CSMD1: variants seen among roughly 807,000 people sequenced by gnomAD.
CSMD1 encodes the protein CUB and Sushi multiple domains 1.
In CSMD1, 213 loss-of-function variants were observed where a neutral mutation model predicts 417.5. That is an observed-to-expected ratio of 0.51 (90% CI 0.46 to 0.57). The LOEUF (loss-of-function observed/expected upper bound fraction) is 0.57. CSMD1 is among the 20% of genes least tolerant of loss of function. The pLI is 0.00. For missense variants in CSMD1, 6,923 were observed against 4,529.7 expected, an observed-to-expected ratio of 1.53 and a Z score of -15.17; for synonymous variants, 2,862 against 1,736.8, an observed-to-expected ratio of 1.65 and a Z score of -16.11.
At chr8:3,985,028 C>T (rs570659414) in intron 5 of CSMD1, among the ~76,000 whole-genome samples, 6 of 152,096 alleles carry the variant, frequency 3.9e-5, no homozygotes, top group African/African-American at 1.4e-4. Context: ...GTGGCTCTGA[C>T]CACATTTTGA....
At chr8:3,938,111 C>A (rs1454510874) in intron 5 of CSMD1, among the ~76,000 whole-genome samples, 1 of 152,050 alleles carries the variant, frequency 6.6e-6, no homozygotes, top group Non-Finnish European at 1.5e-5. Context: ...AAGTGTGAAG[C>A]ATATAAAATG....
intron 1 of CSMD1, among the ~76,000 whole-genome samples, chr8:4,640,004 A>T (rs1411823762): frequency 6.6e-6 from 1 of 152,220 alleles, no homozygotes; most frequent in Non-Finnish European, 1.5e-5. Context: ...CAGTAAATCA[A>T]AAAAAGGGAA....
At chr8:3,344,725 T>G (rs948022690) in intron 22 of CSMD1, among the ~76,000 whole-genome samples, 2 of 152,332 alleles carry the variant, frequency 1.3e-5, no homozygotes, top group Non-Finnish European at 1.5e-5. Flanking sequence ...TACAGATTAA[T>G]TTTTCTTTCA....
intron 7 of CSMD1, among the ~76,000 whole-genome samples, chr8:3,691,920 A>G (rs1021284664): frequency 2.0e-5 from 3 of 152,170 alleles, no homozygotes; most frequent in Non-Finnish European, 4.4e-5. Flanking sequence ...CACTGTGAAA[A>G]CACACTCCAA....
At chr8:4,094,842 A>C (rs1585302119) in intron 3 of CSMD1, among the ~76,000 whole-genome samples, 1 of 152,190 alleles carries the variant, frequency 6.6e-6, no homozygotes, top group Non-Finnish European at 1.5e-5. Flanking sequence ...ATAAAGGTGA[A>C]GCATAGTTGG....
At chr8:4,575,618 C>T (rs560043948) in intron 2 of CSMD1, among the ~76,000 whole-genome samples, 1 of 152,278 alleles carries the variant, frequency 6.6e-6, no homozygotes, top group African/African-American at 2.4e-5. Context: ...ACATGTGGCT[C>T]AGTGCATTTG....
At chr8:4,482,234 C>G (rs1243915456) in intron 2 of CSMD1, among the ~76,000 whole-genome samples, 1 of 152,148 alleles carries the variant, frequency 6.6e-6, no homozygotes, top group South Asian at 2.1e-4. Flanking sequence ...TTTCCAGATC[C>G]TCTCCCTTCT....
chr8:4,063,252 A>C (rs1264903967), intron 3 of CSMD1, among the ~76,000 whole-genome samples: 2 of 151,340 alleles, frequency 1.3e-5, no homozygotes, highest in Non-Finnish European at 2.9e-5. Flanking sequence ...GTATCCCATA[A>C]ATATGTACAG....
intron 5 of CSMD1, among the ~76,000 whole-genome samples, chr8:3,832,412 A>C (rs766046403): frequency 2.6e-5 from 4 of 152,144 alleles, no homozygotes; most frequent in Non-Finnish European, 5.9e-5. Context: ...TTAAACTACT[A>C]TATTTCTCTG....
chr8:4,338,594 T>C (rs1020041411), intron 3 of CSMD1, among the ~76,000 whole-genome samples: 2 of 152,106 alleles, frequency 1.3e-5, no homozygotes, highest in Non-Finnish European at 2.9e-5. Context: ...ATACTCATAA[T>C]AGAAACACAG....
intron 1 of CSMD1, among the ~76,000 whole-genome samples, chr8:4,846,114 C>T (rs1343955208): frequency 6.6e-6 from 1 of 152,154 alleles, no homozygotes. Context: ...TTCCACGTGG[C>T]CATTGAGTAC....
At chr8:4,418,156 G>C (rs899033164) in intron 3 of CSMD1, among the ~76,000 whole-genome samples, 2 of 151,504 alleles carry the variant, frequency 1.3e-5, no homozygotes, top group Non-Finnish European at 2.9e-5. Context: ...ATAGAGGTTT[G>C]TCTTCACTTG....
rs373081679 is a variant in CSMD1 at position 3,336,630 on chromosome 8, C to T, written c.3631+6664G>A. Among the ~76,000 whole-genome samples the T allele has an allele frequency of 1.8e-4, 27 of 152,316 alleles. No individual in the cohort carries two copies. In the East Asian group the frequency reaches 5.0e-3, roughly 28 times the overall value. On this transcript the variant is annotated intron_variant, in intron 23 of 69. Transcript: ENST00000635120. Reference sequence around the variant, plus strand: ...ACTTTACCACAGAGCAAGGGGCACACTGAGAGCATGTACTTCATCACAGAG... The same window carrying T: ...ACTTTACCACAGAGCAAGGGGCACATTGAGAGCATGTACTTCATCACAGAG...
At chr8:4,708,581 C>T (rs1808094874) in intron 1 of CSMD1, among the ~76,000 whole-genome samples, 1 of 152,054 alleles carries the variant, frequency 6.6e-6, no homozygotes, top group African/African-American at 2.4e-5. Context: ...CTTTGAGTCA[C>T]TTAAACTAGG....
At chr8:3,161,613 ACT>A (rs1281368802) in intron 38 of CSMD1, among the ~76,000 whole-genome samples, 1 of 138,058 alleles carries the variant, frequency 7.2e-6, no homozygotes. Flanking sequence ...ACAGAGCGAG[ACT>A]CCCTCTCAGA....
chr8:4,079,769 T>C (rs1258767665), intron 3 of CSMD1, among the ~76,000 whole-genome samples: 2 of 152,174 alleles, frequency 1.3e-5, no homozygotes, highest in Non-Finnish European at 2.9e-5. Context: ...ATGCAATTAA[T>C]AACCCATGTT....
intron 2 of CSMD1, among the ~76,000 whole-genome samples, chr8:4,422,083 A>G (rs190530089): frequency 6.6e-6 from 1 of 152,142 alleles, no homozygotes; most frequent in African/African-American, 2.4e-5. Flanking sequence ...GAACTATTAC[A>G]ACTAACCAAT....
At chr8:4,417,865 A>G (rs1585043624) in intron 3 of CSMD1, among the ~76,000 whole-genome samples, 1 of 152,050 alleles carries the variant, frequency 6.6e-6, no homozygotes, top group African/African-American at 2.4e-5. Flanking sequence ...TTTTCCCATG[A>G]CATTTCCTTG....
intron 12 of CSMD1, among the ~76,000 whole-genome samples, chr8:3,444,459 G>A (rs182239294): frequency 3.2e-4 from 49 of 152,254 alleles, no homozygotes; most frequent in African/African-American, 9.6e-4. Flanking sequence ...AATTACTGTA[G>A]AGCAGTAGTG....
Sources: allele counts gnomAD v4.1 joint callset (sites outside exome capture counted in the v4.1 genomes callset), GRCh38; gene constraint gnomAD v4.1.1; transcripts MANE v1.5; gene names NCBI Gene and HGNC (gene_info 2026-07-23, HGNC 2026-07-21).